The following LZTS3 variants were observed in gnomAD, a reference collection of about 807,000 sequenced individuals.
LZTS3 encodes the protein leucine zipper putative tumor suppressor 3.
Under a neutral mutation model 50.9 loss-of-function variants are expected in LZTS3, and 16 were observed. That is an observed-to-expected ratio of 0.31 (90% CI 0.21 to 0.48). LZTS3 has a LOEUF of 0.48. Ranked by LOEUF, LZTS3 falls within the 20% of genes least tolerant of loss-of-function variation. The probability of loss-of-function intolerance (pLI) is 0.99; values close to 1 mark genes in which losing one functional copy is unlikely to be tolerated. For synonymous variants in LZTS3, 408 were observed against 410.6 expected, an observed-to-expected ratio of 0.99 and a Z score of 0.08; for missense variants, 816 against 931.0, an observed-to-expected ratio of 0.88 and a Z score of 1.61.
Position 3,166,033 on chromosome 20 carries a change from TGCC to T in LZTS3, c.784_786del (p.Gly262del), listed in dbSNP as rs780811198. The stretch of plus-strand genomic sequence containing the variant: ...TGGTAGCCCGACCCCCCACCGCTGC[TGCC>T]GCCACTACCACTACCATAGCTGGCA... On this transcript the variant is annotated inframe_deletion, in exon 4 of 5. Transcript: ENST00000337576. The T allele has an allele frequency of 3.1e-6, 5 of 1,612,600 alleles. No individual in the cohort carries two copies. The highest frequency in any genetic ancestry group is 4.2e-6 in the Non-Finnish European group (5 of 1,179,510).
At chr20:3,170,274 G>A (rs2066885583) in intron 1 of LZTS3, among the ~76,000 whole-genome samples, 1 of 152,110 alleles carries the variant, frequency 6.6e-6, no homozygotes. Flanking sequence ...CAAATCACTT[G>A]AGGTCAGGAG....
chr20:3,164,401 G>A lies in LZTS3; in HGVS notation c.*53C>T, dbSNP rs1303433987. On this transcript the variant is annotated 3_prime_UTR_variant, in exon 5 of 5. Transcript: ENST00000337576. The stretch of plus-strand genomic sequence containing the variant: ...AGAGATGGAGGGGAGGGGACACTGG[G>A]GACTCTGGCCTTTTGACAGGACATG... The A allele has an allele frequency of 5.1e-5, 75 of 1,480,742 alleles. No individual in the cohort carries two copies. Among genetic ancestry groups the A allele is most frequent in the Non-Finnish European group, 6.5e-5 (72 of 1,111,912 alleles). 91.7% of individuals were successfully genotyped at this position (1,480,742 alleles called of 1,614,324 possible).
Position 3,164,593 on chromosome 20 carries a change from T to C in LZTS3, c.1883A>G (p.Gln628Arg). The change falls in exon 5 of 5, where the codon CAG becomes CGG. Residue 628 changes from glutamine to arginine, a missense_variant. Gln to Arg is a conservative substitution (Grantham distance 43, BLOSUM62 1). Around this residue, in one of 3 missense-constraint regions of LZTS3, gnomAD observed 107 missense variants for 130.4 expected, o/e 0.82. Transcript: ENST00000337576. ...CCTGCGCTCCAGCTGCTGGTTGCGC[T>C]GGTACATCTCCACGTAGCTCAGCTG... ...QLQLSYVEMY[Q>R]RNQQLERRLR... The C allele has an allele frequency of 6.2e-7, 1 of 1,612,268 alleles. No homozygotes were observed. Among genetic ancestry groups the C allele is most frequent in the Non-Finnish European group, 8.5e-7 (1 of 1,179,178 alleles).
rs201973300 is a variant in LZTS3, at chr20:3,165,392, T to TCC, written c.1323+103_1323+104dup. The TCC allele has an allele frequency of 1.7e-4, 140 of 832,316 alleles. No individual in the cohort carries two copies. The highest frequency in any genetic ancestry group is 2.9e-4 in the Admixed American group (7 of 23,822). The allele number at this position is 832,316 out of a possible 1,614,324, so 51.6% of individuals were successfully genotyped here. A position where few individuals can be genotyped will look rare whatever the true frequency, so the allele number is the denominator to read the frequency against. On this transcript the variant is annotated intron_variant, in intron 4 of 4. Transcript: ENST00000337576. This position sits in a 1 kb window ranked among gnomAD's most constrained non-coding sequence, Gnocchi z 5.0. ...ATTTTTGTCCCCCCTGCTCCTTTCA[T>TCC]CCCCCCCCCCATCCCACCGTTATGA...
chr20:3,171,949 T>C (rs1249951610), intron 1 of LZTS3, among the ~76,000 whole-genome samples: 1 of 152,166 alleles, frequency 6.6e-6, no homozygotes, highest in Non-Finnish European at 1.5e-5. Flanking sequence ...GACAGTTACA[T>C]GTACAGGTAC....
intron 1 of LZTS3, among the ~76,000 whole-genome samples, chr20:3,171,301 G>C (rs1011366505): frequency 1.3e-5 from 2 of 152,060 alleles, no homozygotes; most frequent in African/African-American, 4.8e-5. Context: ...ATGGAAACAA[G>C]GTCCCAGGAC....
intron 1 of LZTS3, among the ~76,000 whole-genome samples, chr20:3,171,761 T>G (rs1438723542): frequency 6.6e-6 from 1 of 151,902 alleles, no homozygotes; most frequent in Non-Finnish European, 1.5e-5. Context: ...AAGGTCACGG[T>G]CCTGAACTAG....
In LZTS3 at chr20:3,167,943, C is replaced by T. The variant is rs887875464; in HGVS notation, c.-224G>A. ...TTTGGAGGGGCCGACTGAGCCATCC[C>T]GGACTGCAGTTTTCTCCTCTGCGAA... On this transcript the variant is annotated 5_prime_UTR_variant, in exon 2 of 5. Transcript: ENST00000337576. 2.5e-6 allele frequency: 2 copies of T among 812,294 alleles called. No individual in the cohort carries two copies. Among genetic ancestry groups the T allele is most frequent in the African/African-American group, 1.9e-5 (1 of 53,860 alleles). The allele number at this position is 812,294 out of a possible 1,614,324, so 50.3% of individuals were successfully genotyped here.
chr20:3,167,270 CCT>C, intron 2 of LZTS3, 89 bp from the exon 3 acceptor site: 2 of 1,409,720 alleles, frequency 1.4e-6, no homozygotes, highest in South Asian at 3.3e-5. Context: ...CCGCTCTGCC[CCT>C]CAGTGTCCCC....
In LZTS3 at chr20:3,165,399, C is replaced by CCCCCCCA; in HGVS notation, c.1323+97_1323+98insTGGGGGG. The CCCCCCCA allele has an allele frequency of 7.9e-7, 1 of 1,270,634 alleles. No homozygotes were observed. Among genetic ancestry groups the CCCCCCCA allele is most frequent in the Non-Finnish European group, 1.1e-6 (1 of 948,668 alleles). The allele number at this position is 1,270,634 out of a possible 1,614,324, so 78.7% of individuals were successfully genotyped here. ...TCCCCCCTGCTCCTTTCATCCCCCC[C>CCCCCCCA]CCCATCCCACCGTTATGATAGTGAG... On this transcript the variant is annotated intron_variant, in intron 4 of 4. Coordinates refer to ENST00000337576, the MANE Select transcript of LZTS3 (RefSeq NM_001365618.1). The surrounding 1 kb of genome is among the most constrained non-coding windows in gnomAD (Gnocchi z 5.0).
At chr20:3,166,400 G>A in intron 3 of LZTS3, 40 bp from the exon 4 acceptor site, 2 of 1,554,218 alleles carry the variant, frequency 1.3e-6, no homozygotes, top group African/African-American at 1.4e-5. Context: ...TCAGGATGAG[G>A]CCTTGGGCTT....
rs148877556 is a variant in LZTS3, at chr20:3,166,337, C to A, written c.483G>T (p.Pro161=). 1.2e-6 allele frequency: 2 copies of A among 1,611,134 alleles called. No homozygotes were observed. Among genetic ancestry groups the A allele is most frequent in the Non-Finnish European group, 1.7e-6 (2 of 1,178,528 alleles). Residue 161 remains proline (P), a synonymous_variant, in exon 4 of 5, where the codon CCG becomes CCT. Transcript: ENST00000337576. ...LDQCSEPLVR[P]SAFKPVVPKN... Reference sequence around the variant, plus strand: ...TGGGTACGACAGGCTTGAAGGCCGACGGCCGAACTAGTGGTTCTGAGCACT... The same window carrying A: ...TGGGTACGACAGGCTTGAAGGCCGAAGGCCGAACTAGTGGTTCTGAGCACT...
Position 3,164,452 on chromosome 20 carries a change from G to A in LZTS3, c.*2C>T. On this transcript the variant is annotated 3_prime_UTR_variant, in exon 5 of 5. Coordinates refer to ENST00000337576, the MANE Select transcript of LZTS3 (RefSeq NM_001365618.1). ...TGTCAAAATGCCGAGTGCCCAGGTC[G>A]ATCAGATTTCTGTGGACTCAATGCG... 1 of 1,518,988 alleles carries A rather than the reference G, an allele frequency of 6.6e-7. No individual in the cohort carries two copies. The highest frequency in any genetic ancestry group is 1.3e-5 in the South Asian group (1 of 76,724). The allele number at this position is 1,518,988 out of a possible 1,614,324, so 94.1% of individuals were successfully genotyped here.
intron 3 of LZTS3, 138 bp downstream of exon 3, chr20:3,166,567 C>T: frequency 8.1e-7 from 1 of 1,227,306 alleles, no homozygotes; most frequent in South Asian, 1.5e-5. Context: ...CCCCAGGTCC[C>T]CAGTCCATGA....
Position 3,165,672 on chromosome 20 carries a change from T to A in LZTS3, c.1148A>T (p.Gln383Leu). 1 of 1,586,838 alleles carries A rather than the reference T, an allele frequency of 6.3e-7. No homozygotes were observed. Among genetic ancestry groups the A allele is most frequent in the Non-Finnish European group, 8.5e-7 (1 of 1,173,924 alleles). The stretch of plus-strand genomic sequence containing the variant: ...CAGCTGTAGGCCCTGCTGGGCGCGC[T>A]GGGCACGTCGGGCCACCTGCTGTAG... The part of the protein sequence containing the change: ...GKLQQVARRA[Q>L]RAQQGLQLQV... The change falls in exon 4 of 5, where the codon CAG (glutamine) becomes CTG (leucine). Residue 383 changes from glutamine to leucine, a missense_variant. Gln to Leu is a moderately radical substitution (Grantham distance 113, BLOSUM62 -2). This residue lies in a region of LZTS3 where 700 missense variants were observed against 769.4 expected (regional missense o/e 0.91). Transcript: ENST00000337576. The surrounding 1 kb of genome is among the most constrained non-coding windows in gnomAD (Gnocchi z 5.0).
At chr20:3,167,292 A>G (rs2122183950) in intron 2 of LZTS3, 111 bp from the exon 3 acceptor site, 2 of 1,392,322 alleles carry the variant, frequency 1.4e-6, no homozygotes, top group South Asian at 1.8e-5. Context: ...CTTCCCTACA[A>G]TGGGTACAAA....
Position 3,167,792 on chromosome 20 carries a change from TCCTTG to T in LZTS3, c.-78_-74del. On this transcript the variant is annotated 5_prime_UTR_variant, in exon 2 of 5. It introduces an in-frame stop codon into an upstream open reading frame of the 5' UTR. Transcript: ENST00000337576. Reference sequence around the variant, plus strand: ...AGCTCACTACCAGCGCAGGCTTCTCTCCTTGCCTTTCCAAGGGGTTGAGGGGCCGA... The same window carrying T: ...AGCTCACTACCAGCGCAGGCTTCTCTCCTTTCCAAGGGGTTGAGGGGCCGA... The T allele has an allele frequency of 1.0e-6, 1 of 985,426 alleles. No homozygotes were observed. Among genetic ancestry groups the T allele is most frequent in the South Asian group, 4.7e-5 (1 of 21,286 alleles). The allele number at this position is 985,426 out of a possible 1,614,324, so 61.0% of individuals were successfully genotyped here.
At position 3,164,734 on chromosome 20, in the gene LZTS3, T is replaced by C; in HGVS notation, c.1742A>G (p.Gln581Arg). 3.2e-5 allele frequency: 49 copies of C among 1,542,116 alleles called. No individual in the cohort carries two copies. Among genetic ancestry groups the C allele is most frequent in the Non-Finnish European group, 3.9e-5 (45 of 1,146,028 alleles). Residue 581 changes from glutamine (Q) to arginine (R), a missense_variant, in exon 5 of 5, where the codon CAG becomes CGG. Physicochemically the swap from Gln to Arg is conservative, Grantham distance 43 (BLOSUM62 1). Coordinates refer to ENST00000337576, the MANE Select transcript of LZTS3 (RefSeq NM_001365618.1). ...RALRREVGRL[Q>R]AELAAERRAR... ...CCGCCGCTCAGCCGCCAGCTCGGCCTGCAGCCGCCCCACCTCCCGCCGCAG... is the reference window on the plus strand; with the variant it reads ...CCGCCGCTCAGCCGCCAGCTCGGCCCGCAGCCGCCCCACCTCCCGCCGCAG...
Position 3,164,562 on chromosome 20 carries a change from C to T in LZTS3, c.1914G>A (p.Arg638=). Residue 638 remains arginine (R), a synonymous_variant, in exon 5 of 5, where the codon CGG becomes CGA. Coordinates refer to ENST00000337576, the MANE Select transcript of LZTS3 (RefSeq NM_001365618.1). ...TTGCACCCCCTGCGGCCCCGCGCTCCCGCAGCCTGCGCTCCAGCTGCTGGT... is the reference window on the plus strand; with the variant it reads ...TTGCACCCCCTGCGGCCCCGCGCTCTCGCAGCCTGCGCTCCAGCTGCTGGT... ...QRNQQLERRL[R]ERGAAGGAST... The T allele has an allele frequency of 4.3e-6, 7 of 1,610,114 alleles. No homozygotes were observed. Among genetic ancestry groups the T allele is most frequent in the Non-Finnish European group, 5.9e-6 (7 of 1,178,292 alleles).
Sources: allele counts gnomAD v4.1 joint callset (sites outside exome capture counted in the v4.1 genomes callset), GRCh38; gene constraint gnomAD v4.1.1; regional missense constraint gnomAD v4.1.1; non-coding constraint Gnocchi (gnomAD v3.1); transcripts MANE v1.5; gene names NCBI Gene and HGNC (gene_info 2026-07-23, HGNC 2026-07-21).